TAFA1: variants seen among roughly 807,000 people sequenced by gnomAD.
TAFA1 encodes the protein chemokine-like protein TAFA-1.
Under a neutral mutation model 18.5 loss-of-function variants are expected in TAFA1, and 4 were observed. The ratio of observed to expected loss-of-function variants is 0.22; its 90% CI spans 0.11 to 0.49. The LOEUF is 0.49. TAFA1 is among the 20% of genes least tolerant of loss of function. The pLI is 0.98. For synonymous variants in TAFA1, 56 were observed against 55.2 expected (o/e 1.01, Z -0.06); for missense variants, 147 against 169.0 (o/e 0.87, Z 0.72).
chr3:68,289,161 T>C (rs1258418533), intron 2 of TAFA1, among the ~76,000 whole-genome samples: 3 of 152,196 alleles, frequency 2.0e-5, no homozygotes, highest in Non-Finnish European at 4.4e-5. Flanking sequence ...AGTTTCTGCT[T>C]TTTAATACAT....
intron 2 of TAFA1, among the ~76,000 whole-genome samples, chr3:68,237,365 C>G (rs1575697902): frequency 2.0e-5 from 3 of 152,160 alleles, no homozygotes; most frequent in African/African-American, 4.8e-5. Context: ...GTATAATCAC[C>G]TTGGAAGTTA....
At chr3:68,159,781 C>T (rs2396322) in intron 2 of TAFA1, among the ~76,000 whole-genome samples, 102,340 of 151,996 alleles carry the variant, frequency 0.67, 34,860 homozygotes, top group South Asian at 0.78. Context: ...CACGAAGACA[C>T]CAGCTCAGCT....
rs1008829347 is a variant in TAFA1 at position 68,163,104 on chromosome 3, A to C, written c.118+156360A>C. On this transcript the variant is annotated intron_variant, in intron 2 of 4. Coordinates refer to ENST00000478136, the MANE Select transcript of TAFA1 (RefSeq NM_213609.4). Reference sequence around the variant, plus strand: ...AGCTTTATTAACTTAAATAAAAGTAAGTAGCTTTTCTTTCAAGAGCATAAC... The same window carrying C: ...AGCTTTATTAACTTAAATAAAAGTACGTAGCTTTTCTTTCAAGAGCATAAC... Among the ~76,000 whole-genome samples the C allele has an allele frequency of 3.9e-5, 6 of 152,396 alleles. No homozygotes were observed. In the South Asian group the frequency reaches 6.2e-4, roughly 16 times the overall value.
At chr3:68,193,808 T>G (rs2066377651) in intron 2 of TAFA1, among the ~76,000 whole-genome samples, 1 of 151,640 alleles carries the variant, frequency 6.6e-6, no homozygotes, top group Admixed American at 6.6e-5. Flanking sequence ...GTTAGTCAGG[T>G]TTCTGCCGCC....
rs1043553107 is a variant in TAFA1, at chr3:68,200,395, T to G, written c.118+193651T>G. The stretch of plus-strand genomic sequence containing the variant: ...TCAGCTTTTGTCTTCTAAAAGAGAT[T>G]GTAAAGAATTGATATAACTTCTTCC... On this transcript the variant is annotated intron_variant, in intron 2 of 4. Coordinates refer to ENST00000478136, the MANE Select transcript of TAFA1 (RefSeq NM_213609.4). 2.6e-5 allele frequency among the ~76,000 whole-genome samples: 4 copies of G among 151,646 alleles called. No homozygotes were observed. In the East Asian group the frequency reaches 7.8e-4, roughly 30 times the overall value.
At chr3:68,291,602 T>C (rs2068110440) in intron 2 of TAFA1, among the ~76,000 whole-genome samples, 1 of 151,708 alleles carries the variant, frequency 6.6e-6, no homozygotes, top group Admixed American at 6.6e-5. Flanking sequence ...TGAAAACGAG[T>C]CATTGTATAA....
intron 2 of TAFA1, among the ~76,000 whole-genome samples, chr3:68,211,367 AT>A (rs1425432540): frequency 6.6e-6 from 1 of 152,080 alleles, no homozygotes; most frequent in Non-Finnish European, 1.5e-5. Flanking sequence ...TGTGAAGGAT[AT>A]ATTTAAGAGA....
chr3:68,323,734 G>A (rs947437292), intron 2 of TAFA1, among the ~76,000 whole-genome samples: 6 of 152,244 alleles, frequency 3.9e-5, no homozygotes, highest in African/African-American at 1.4e-4. Context: ...ATAATTCTCT[G>A]AAGCAGCATG....
chr3:68,256,610 A>G (rs1009309669), intron 2 of TAFA1, among the ~76,000 whole-genome samples: 4 of 152,298 alleles, frequency 2.6e-5, no homozygotes, highest in Non-Finnish European at 2.9e-5. Context: ...TTAAATTCAC[A>G]TAGTCTTGTA....
chr3:68,486,506 T>C (rs1026238355), intron 3 of TAFA1, among the ~76,000 whole-genome samples: 1 of 152,142 alleles, frequency 6.6e-6, no homozygotes. Context: ...TGGGTTCAAA[T>C]CTCAGCCTTA....
chr3:68,369,132 G>A (rs2106810397), intron 2 of TAFA1, among the ~76,000 whole-genome samples: 1 of 152,218 alleles, frequency 6.6e-6, no homozygotes, highest in East Asian at 1.9e-4. Context: ...TTCATGCCTA[G>A]TTAGAAGAGA....
chr3:68,498,026 T>C (rs2072581100), intron 3 of TAFA1, among the ~76,000 whole-genome samples: 1 of 152,202 alleles, frequency 6.6e-6, no homozygotes, highest in African/African-American at 2.4e-5. Flanking sequence ...CATTACTAAC[T>C]CTTTGCTTGA....
intron 2 of TAFA1, among the ~76,000 whole-genome samples, chr3:68,198,704 C>T (rs1698552017): frequency 1.3e-5 from 2 of 151,302 alleles, no homozygotes; most frequent in South Asian, 2.1e-4. Flanking sequence ...GTCTTTGGTC[C>T]ACTTTTTAAT....
intron 2 of TAFA1, among the ~76,000 whole-genome samples, chr3:68,080,512 G>A (rs887613511): frequency 6.6e-6 from 1 of 152,004 alleles, no homozygotes; most frequent in Admixed American, 6.5e-5. Flanking sequence ...AGGCCTGGTG[G>A]TGACAAAATC....
chr3:68,452,594 C>T (rs1049626927), intron 3 of TAFA1, among the ~76,000 whole-genome samples: 2 of 151,422 alleles, frequency 1.3e-5, no homozygotes, highest in African/African-American at 4.9e-5. Flanking sequence ...CTTACTCAGC[C>T]ATGGAAAATG....
At chr3:68,503,821 A>G (rs2072702252) in intron 3 of TAFA1, among the ~76,000 whole-genome samples, 1 of 152,168 alleles carries the variant, frequency 6.6e-6, no homozygotes, top group Non-Finnish European at 1.5e-5. Flanking sequence ...TTAATGGAAC[A>G]GCATTCATAG....
At chr3:68,285,584 A>G (rs1260771344) in intron 2 of TAFA1, among the ~76,000 whole-genome samples, 2 of 152,156 alleles carry the variant, frequency 1.3e-5, no homozygotes, top group Non-Finnish European at 2.9e-5. Flanking sequence ...ATGACTTTAT[A>G]TAAAAAACCT....
intron 2 of TAFA1, among the ~76,000 whole-genome samples, chr3:68,195,582 G>T (rs1269734069): frequency 6.6e-6 from 1 of 151,254 alleles, no homozygotes; most frequent in Non-Finnish European, 1.5e-5. Flanking sequence ...TTGGCATCTG[G>T]TGGGTGGAGA....
At chr3:68,463,160 T>C (rs2071817488) in intron 3 of TAFA1, among the ~76,000 whole-genome samples, 1 of 152,156 alleles carries the variant, frequency 6.6e-6, no homozygotes, top group African/African-American at 2.4e-5. Context: ...GGTGGGGGCA[T>C]AGATTTCTAT....
Sources: gnomAD v4.1 joint callset for allele counts (sites outside exome capture counted in the v4.1 genomes callset) on GRCh38, gnomAD v4.1.1 for gene constraint, MANE v1.5 for transcripts, NCBI Gene and HGNC (gene_info 2026-07-23, HGNC 2026-07-21) for gene names.